CDH12: variants seen among roughly 807,000 people sequenced by gnomAD.
The protein encoded by CDH12 is cadherin-12.
A neutral mutation model predicts 74.1 loss-of-function variants in CDH12; 41 were observed. That is an observed-to-expected ratio of 0.55 (90% confidence interval 0.43 to 0.72). The LOEUF (loss-of-function observed/expected upper bound fraction) is 0.72. CDH12 is among the 30% of genes least tolerant of loss of function. CDH12 has a pLI of 0.00. For synonymous variants in CDH12, 399 were observed against 355.0 expected, an observed-to-expected ratio of 1.12 and a Z score of -1.39; for missense variants, 945 against 977.2, an observed-to-expected ratio of 0.97 and a Z score of 0.44.
chr5:22,768,367 G>C (rs1281688578), intron 1 of CDH12, among the ~76,000 whole-genome samples: 1 of 151,984 alleles, frequency 6.6e-6, no homozygotes, highest in Non-Finnish European at 1.5e-5. Context: ...AAACCATTCA[G>C]TTATGGAGAG....
chr5:21,850,975 G>GT (rs1007575374), intron 7 of CDH12, among the ~76,000 whole-genome samples: 2 of 151,182 alleles, frequency 1.3e-5, no homozygotes, highest in African/African-American at 4.8e-5. Flanking sequence ...TTTGACAAAA[G>GT]TGTAAACATA....
chr5:21,834,223 G>A (rs1173571591), intron 8 of CDH12, among the ~76,000 whole-genome samples: 2 of 151,542 alleles, frequency 1.3e-5, no homozygotes, highest in East Asian at 3.9e-4. Flanking sequence ...GAGAGGATAC[G>A]CATGCACATA....
intron 1 of CDH12, among the ~76,000 whole-genome samples, chr5:22,700,133 C>T (rs1005697931): frequency 6.6e-6 from 1 of 151,988 alleles, no homozygotes; most frequent in Admixed American, 6.6e-5. Flanking sequence ...TACCACTGCA[C>T]TCCAGCCTGG....
At chr5:22,635,136 A>C (rs548093252) in intron 1 of CDH12, among the ~76,000 whole-genome samples, 1 of 152,330 alleles carries the variant, frequency 6.6e-6, no homozygotes, top group Non-Finnish European at 1.5e-5. Flanking sequence ...TGGTCTAAGC[A>C]TAAGAATAGA....
intron 11 of CDH12, among the ~76,000 whole-genome samples, chr5:21,768,100 T>C (rs1193295364): frequency 3.3e-5 from 5 of 151,814 alleles, no homozygotes; most frequent in Non-Finnish European, 5.9e-5. Flanking sequence ...TGAATACTTA[T>C]GAAGGAAATT....
At chr5:22,592,667 C>A (rs1041938456) in intron 1 of CDH12, among the ~76,000 whole-genome samples, 3 of 148,126 alleles carry the variant, frequency 2.0e-5, no homozygotes, top group Non-Finnish European at 4.5e-5. Flanking sequence ...TTTTAAACAG[C>A]TCTCCCCCTC....
At chr5:22,697,622 A>G (rs1031917183) in intron 1 of CDH12, among the ~76,000 whole-genome samples, 4 of 151,900 alleles carry the variant, frequency 2.6e-5, no homozygotes, top group African/African-American at 7.3e-5. Flanking sequence ...TGAAGAGCAC[A>G]TGTTTTTATC....
At chr5:22,575,599 C>G (rs886813440) in intron 1 of CDH12, among the ~76,000 whole-genome samples, 1 of 152,120 alleles carries the variant, frequency 6.6e-6, no homozygotes, top group Non-Finnish European at 1.5e-5. Context: ...GAGTCTCGCT[C>G]TATCTCCTAG....
At chr5:22,349,914 T>G (rs894149514) in intron 3 of CDH12, among the ~76,000 whole-genome samples, 2 of 152,184 alleles carry the variant, frequency 1.3e-5, no homozygotes, top group African/African-American at 4.8e-5. Context: ...CAACCAGTAG[T>G]TCATTGAAAG....
chr5:21,751,632 T>TTGTGTG lies in CDH12; in HGVS notation c.*99_*104dup, dbSNP rs70957059. On this transcript the variant is annotated 3_prime_UTR_variant, in exon 15 of 15. Coordinates refer to ENST00000382254, the MANE Select transcript of CDH12 (RefSeq NM_004061.5). The stretch of plus-strand genomic sequence containing the variant: ...AGAGTGTGTGTGTGTGTGTGTGTGT[T>TTGTGTG]TGTGTGTGTGTGTGTGTGTGAGAGA... The TTGTGTG allele has an allele frequency of 0.025, 14,487 of 569,644 alleles. 130 individuals are homozygous for TTGTGTG. Among genetic ancestry groups the TTGTGTG allele is most frequent in the East Asian group, 0.091 (2,761 of 30,490 alleles). 35.3% of individuals were successfully genotyped at this position (569,644 alleles called of 1,614,324 possible). A position where few individuals can be genotyped will look rare whatever the true frequency, so the allele number is the denominator to read the frequency against.
intron 11 of CDH12, among the ~76,000 whole-genome samples, chr5:21,765,409 T>A (rs1006733384): frequency 6.6e-6 from 1 of 152,084 alleles, no homozygotes; most frequent in South Asian, 2.1e-4. Context: ...AGTGATATTT[T>A]TCCCCAGATG....
chr5:22,157,068 C>T lies in CDH12; in HGVS notation c.-187+55430G>A, dbSNP rs541546299. ...GACTAGAAAGCATCTACATCACAAA[C>T]TTGTAAGTCTTTCATTTCTGCATTG... On this transcript the variant is annotated intron_variant, in intron 4 of 14. Transcript: ENST00000382254. Among the ~76,000 whole-genome samples the T allele has an allele frequency of 1.5e-4, 23 of 151,862 alleles. No homozygotes were observed. In the South Asian group the frequency reaches 2.3e-3, roughly 15 times the overall value.
At chr5:22,834,894 T>A in intron 1 of CDH12, among the ~76,000 whole-genome samples, 1 of 149,638 alleles carries the variant, frequency 6.7e-6, no homozygotes, top group Non-Finnish European at 1.5e-5. Flanking sequence ...GAAGGAGAGG[T>A]AGAAAAAAGA....
chr5:22,054,765 C>G (rs1740623823), intron 5 of CDH12, among the ~76,000 whole-genome samples: 1 of 152,070 alleles, frequency 6.6e-6, no homozygotes, highest in African/African-American at 2.4e-5. Flanking sequence ...CAGAGGTTAA[C>G]TGGATCTCTG....
Position 22,586,297 on chromosome 5 carries a change from T to A in CDH12, c.-522-80933A>T, listed in dbSNP as rs570606440. On this transcript the variant is annotated intron_variant, in intron 1 of 14. Transcript: ENST00000382254. ...GGTGGGAATTGAACAATGAGAACACTTGGACACGGGAAGGGGAACATCACA... is the reference window on the plus strand; with the variant it reads ...GGTGGGAATTGAACAATGAGAACACATGGACACGGGAAGGGGAACATCACA... 2.5e-3 allele frequency among the ~76,000 whole-genome samples: 376 copies of A among 151,898 alleles called. 1 individual carries two copies. Among genetic ancestry groups the A allele is most frequent in the African/African-American group, 7.2e-3 (297 of 41,422 alleles).
At chr5:22,691,663 G>A (rs1742090180) in intron 1 of CDH12, among the ~76,000 whole-genome samples, 1 of 152,104 alleles carries the variant, frequency 6.6e-6, no homozygotes, top group Admixed American at 6.6e-5. Context: ...TGCCTCCAGT[G>A]GAAGCCATTT....
intron 1 of CDH12, among the ~76,000 whole-genome samples, chr5:22,815,596 C>T (rs1392368415): frequency 2.6e-5 from 4 of 151,324 alleles, no homozygotes; most frequent in Admixed American, 2.6e-4. Context: ...ATGGTGAAAC[C>T]CCATCTCTAC....
At chr5:22,044,188 T>G (rs1311282787) in intron 5 of CDH12, among the ~76,000 whole-genome samples, 1 of 152,126 alleles carries the variant, frequency 6.6e-6, no homozygotes, top group African/African-American at 2.4e-5. Context: ...TAAAATATAC[T>G]ACAAAGCTAT....
chr5:22,802,978 T>A (rs1482257995), intron 1 of CDH12, among the ~76,000 whole-genome samples: 2 of 152,132 alleles, frequency 1.3e-5, no homozygotes, highest in Non-Finnish European at 2.9e-5. Flanking sequence ...TGCACTTAAG[T>A]GGGCATTAAA....
Sources: allele counts gnomAD v4.1 joint callset (sites outside exome capture counted in the v4.1 genomes callset), GRCh38; gene constraint gnomAD v4.1.1; transcripts MANE v1.5; gene names NCBI Gene and HGNC (gene_info 2026-07-23, HGNC 2026-07-21).